Variants in ASIC2 observed in about 807,000 individuals in gnomAD.
ASIC2 encodes the protein acid-sensing ion channel 2.
ASIC2 carries 25 observed loss-of-function variants against 57.3 expected under a neutral mutation model. The observed-to-expected ratio is 0.44, with a 90% CI of 0.32 to 0.61. The LOEUF is 0.61. Ranked by LOEUF, ASIC2 falls within the 20% of genes least tolerant of loss-of-function variation. The probability of loss-of-function intolerance (pLI) is 0.06; values close to 1 mark genes in which losing one functional copy is unlikely to be tolerated. For missense variants in ASIC2, 641 were observed against 738.1 expected, an observed-to-expected ratio of 0.87 and a Z score of 1.52; for synonymous variants, 319 against 307.5, an observed-to-expected ratio of 1.04 and a Z score of -0.39.
At chr17:33,606,088 G>C (rs1297928708) in intron 1 of ASIC2, among the ~76,000 whole-genome samples, 3 of 152,212 alleles carry the variant, frequency 2.0e-5, no homozygotes, top group Non-Finnish European at 2.9e-5. Context: ...ATGAAGGGCT[G>C]TCAGGCGCTG....
intron 1 of ASIC2, among the ~76,000 whole-genome samples, chr17:33,632,579 G>C (rs918929767): frequency 2.0e-5 from 3 of 152,032 alleles, no homozygotes; most frequent in Non-Finnish European, 4.4e-5. Flanking sequence ...AGTGTTTGGT[G>C]CACTCTTTGA....
intron 1 of ASIC2, among the ~76,000 whole-genome samples, chr17:33,229,820 A>G (rs1908022514): frequency 6.6e-6 from 1 of 152,236 alleles, no homozygotes; most frequent in Admixed American, 6.5e-5. Context: ...GATGTTTCTC[A>G]GGGGACTTTC....
chr17:33,643,886 T>C (rs1403675905), intron 1 of ASIC2, among the ~76,000 whole-genome samples: 1 of 152,196 alleles, frequency 6.6e-6, no homozygotes, highest in Non-Finnish European at 1.5e-5. Context: ...GGTGTTATTA[T>C]TAAAAGTTGC....
At chr17:33,164,003 C>T (rs1260393508) in intron 1 of ASIC2, among the ~76,000 whole-genome samples, 5 of 152,218 alleles carry the variant, frequency 3.3e-5, no homozygotes, top group East Asian at 1.9e-4. Flanking sequence ...AATTCATAGG[C>T]GGGAAAATGA....
At chr17:33,893,852 G>T (rs1915022648) in intron 1 of ASIC2, among the ~76,000 whole-genome samples, 1 of 152,186 alleles carries the variant, frequency 6.6e-6, no homozygotes, top group Non-Finnish European at 1.5e-5. Flanking sequence ...CTATTCTTCA[G>T]CATTTCCATC....
chr17:33,639,989 G>A (rs1034211436), intron 1 of ASIC2, among the ~76,000 whole-genome samples: 5 of 152,166 alleles, frequency 3.3e-5, no homozygotes, highest in Non-Finnish European at 2.9e-5. Context: ...ACAGGGACAA[G>A]GATTACCAGT....
chr17:33,767,196 G>T (rs1910959863), intron 1 of ASIC2, among the ~76,000 whole-genome samples: 1 of 152,114 alleles, frequency 6.6e-6, no homozygotes, highest in Non-Finnish European at 1.5e-5. Flanking sequence ...AATTCCCAGT[G>T]GGAACCCACC....
intron 1 of ASIC2, among the ~76,000 whole-genome samples, chr17:34,015,215 C>T (rs1436780064): frequency 2.6e-5 from 4 of 151,978 alleles, no homozygotes; most frequent in South Asian, 4.2e-4. Context: ...AGCCTATCCC[C>T]GCTCTTCATC....
Position 33,777,550 on chromosome 17 carries a change from G to C in ASIC2, c.555+378428C>G, listed in dbSNP as rs558107294. On this transcript the variant is annotated intron_variant, in intron 1 of 9. Transcript: ENST00000359872. ...CATGACACATCTGTTTGAACAACTG[G>C]GCTGCAGACTGAGCTCAAGCAAAAG... Among the ~76,000 whole-genome samples, 51 of 152,168 alleles carry C rather than the reference G, an allele frequency of 3.4e-4. No individual in the cohort carries two copies. In the East Asian group the frequency reaches 8.7e-3, roughly 26 times the overall value.
At chr17:33,894,694 G>A (rs1214010261) in intron 1 of ASIC2, among the ~76,000 whole-genome samples, 1 of 152,140 alleles carries the variant, frequency 6.6e-6, no homozygotes, top group East Asian at 1.9e-4. Flanking sequence ...TTGGTGTTTT[G>A]CAAGTGAACG....
intron 1 of ASIC2, among the ~76,000 whole-genome samples, chr17:33,258,835 G>C (rs1449026074): frequency 6.6e-6 from 1 of 152,220 alleles, no homozygotes; most frequent in Non-Finnish European, 1.5e-5. Flanking sequence ...AGACCATCTG[G>C]CTTCAAGGCA....
intron 1 of ASIC2, among the ~76,000 whole-genome samples, chr17:33,341,354 C>A (rs1363505109): frequency 3.3e-5 from 5 of 152,204 alleles, no homozygotes; most frequent in African/African-American, 1.2e-4. Flanking sequence ...CCACATAATT[C>A]ATCATCCAAT....
chr17:33,777,298 G>A (rs1911313408), intron 1 of ASIC2, among the ~76,000 whole-genome samples: 1 of 152,246 alleles, frequency 6.6e-6, no homozygotes, highest in South Asian at 2.1e-4. Flanking sequence ...AAGAGCATGT[G>A]TATAAGCCAT....
At chr17:33,399,999 G>C (rs1320416726) in intron 1 of ASIC2, among the ~76,000 whole-genome samples, 1 of 152,182 alleles carries the variant, frequency 6.6e-6, no homozygotes, top group Admixed American at 6.5e-5. Flanking sequence ...AGCAGACCTG[G>C]GTTACCATAG....
chr17:33,882,340 A>G (rs972795859), intron 1 of ASIC2, among the ~76,000 whole-genome samples: 2 of 152,236 alleles, frequency 1.3e-5, no homozygotes, highest in Admixed American at 6.5e-5. Flanking sequence ...AGAATGGGGG[A>G]AAATTTTTGC....
intron 2 of ASIC2, among the ~76,000 whole-genome samples, chr17:33,092,457 C>G (rs1295539340): frequency 6.6e-6 from 1 of 152,238 alleles, no homozygotes; most frequent in Non-Finnish European, 1.5e-5. Flanking sequence ...GGTTCCCAAG[C>G]TAGAATGCAA....
intron 1 of ASIC2, among the ~76,000 whole-genome samples, chr17:33,322,491 C>T (rs980770840): frequency 5.3e-5 from 8 of 152,088 alleles, no homozygotes; most frequent in Non-Finnish European, 5.9e-5. Flanking sequence ...ATTAATCCAC[C>T]GATAGGTACA....
intron 1 of ASIC2, among the ~76,000 whole-genome samples, chr17:33,939,367 A>G (rs1261004910): frequency 6.6e-6 from 1 of 152,234 alleles, no homozygotes; most frequent in African/African-American, 2.4e-5. Flanking sequence ...TAGAAACAAT[A>G]TCTCTTGGCT....
At chr17:33,210,876 G>C (rs1016861962) in intron 1 of ASIC2, among the ~76,000 whole-genome samples, 1 of 152,178 alleles carries the variant, frequency 6.6e-6, no homozygotes, top group Non-Finnish European at 1.5e-5. Context: ...AGTCAGTCAT[G>C]AAGCTACTAC....
Sources: allele counts gnomAD v4.1 joint callset (sites outside exome capture counted in the v4.1 genomes callset), GRCh38; gene constraint gnomAD v4.1.1; transcripts MANE v1.5; gene names NCBI Gene and HGNC (gene_info 2026-07-23, HGNC 2026-07-21).